NTM: variants seen among roughly 807,000 people sequenced by gnomAD.
NTM encodes the protein IgLON family member 2.
In NTM, 13 loss-of-function variants were observed where a neutral mutation model predicts 42.1. That is an observed-to-expected ratio of 0.31 (90% confidence interval 0.20 to 0.49). The LOEUF (loss-of-function observed/expected upper bound fraction) is 0.49, where lower values mean the gene tolerates loss of function less well. Ranked by LOEUF, NTM falls within the 20% of genes least tolerant of loss-of-function variation. The pLI is 0.99. For missense variants in NTM, 373 were observed against 452.8 expected (o/e 0.82, Z 1.60); for synonymous variants, 187 against 179.2 (o/e 1.04, Z -0.35).
intron 1 of NTM, among the ~76,000 whole-genome samples, chr11:131,598,162 C>G (rs1187310558): frequency 1.3e-5 from 2 of 151,070 alleles, no homozygotes; most frequent in African/African-American, 4.8e-5. Context: ...TATGGGGACA[C>G]AACTCACAGT....
chr11:131,970,802 A>G (rs1170613441), intron 2 of NTM, among the ~76,000 whole-genome samples: 1 of 152,120 alleles, frequency 6.6e-6, no homozygotes, highest in Admixed American at 6.5e-5. Context: ...TGACAAGGGG[A>G]TCATTGATCC....
At chr11:132,031,914 G>T (rs376670568) in intron 2 of NTM, among the ~76,000 whole-genome samples, 3 of 151,868 alleles carry the variant, frequency 2.0e-5, no homozygotes, top group East Asian at 3.9e-4. Flanking sequence ...ATGCTCAAAG[G>T]CCCTCCCACT....
chr11:132,273,019 G>A (rs988944554), intron 4 of NTM, among the ~76,000 whole-genome samples: 9 of 151,758 alleles, frequency 5.9e-5, no homozygotes, highest in Non-Finnish European at 1.3e-4. Flanking sequence ...TTTTGTTTTT[G>A]TTTTTTGTAG....
intron 2 of NTM, among the ~76,000 whole-genome samples, chr11:131,939,289 T>C (rs927933229): frequency 3.3e-5 from 5 of 152,016 alleles, no homozygotes; most frequent in Admixed American, 6.6e-5. Context: ...ATGGAGACAG[T>C]GACCGATTTT....
intron 1 of NTM, among the ~76,000 whole-genome samples, chr11:131,852,492 G>A (rs929014020): frequency 2.0e-5 from 3 of 152,176 alleles, no homozygotes. Flanking sequence ...TCCTTAAGGA[G>A]TAGAGTAAAT....
chr11:132,179,730 G>C (rs1187005353), intron 3 of NTM, among the ~76,000 whole-genome samples: 1 of 152,164 alleles, frequency 6.6e-6, no homozygotes, highest in Non-Finnish European at 1.5e-5. Flanking sequence ...AATTAGCCTT[G>C]ATGATGCAGG....
At chr11:131,488,643 C>T (rs1043578288) in intron 1 of NTM, among the ~76,000 whole-genome samples, 1 of 152,094 alleles carries the variant, frequency 6.6e-6, no homozygotes, top group African/African-American at 2.4e-5. Context: ...CTTTTTTTGG[C>T]CAGTCCACCA....
chr11:131,484,347 C>G (rs575673043), intron 1 of NTM, among the ~76,000 whole-genome samples: 1 of 152,174 alleles, frequency 6.6e-6, no homozygotes, highest in African/African-American at 2.4e-5. Context: ...GTAAAAGATA[C>G]AAGACTGGCA....
intron 1 of NTM, among the ~76,000 whole-genome samples, chr11:131,438,016 G>A (rs892050721): frequency 1.3e-5 from 2 of 152,172 alleles, no homozygotes; most frequent in African/African-American, 4.8e-5. Flanking sequence ...GTCTGTAAAG[G>A]ATTTTATTTC....
At chr11:131,897,319 G>A (rs1177075645) in intron 1 of NTM, among the ~76,000 whole-genome samples, 1 of 152,198 alleles carries the variant, frequency 6.6e-6, no homozygotes, top group Non-Finnish European at 1.5e-5. Context: ...GGTAGCATTG[G>A]AGACTGGCAA....
At chr11:131,855,389 A>G (rs2045989388) in intron 1 of NTM, among the ~76,000 whole-genome samples, 1 of 152,222 alleles carries the variant, frequency 6.6e-6, no homozygotes, top group South Asian at 2.1e-4. Context: ...GAAGCAATAG[A>G]GGACTGAAAA....
chr11:131,385,093 T>G (rs1943152618), intron 1 of NTM, among the ~76,000 whole-genome samples: 1 of 152,220 alleles, frequency 6.6e-6, no homozygotes, highest in African/African-American at 2.4e-5. Flanking sequence ...GTGGCATCCT[T>G]GCTCACCTCC....
At chr11:132,165,106 G>A (rs1222065659) in intron 3 of NTM, among the ~76,000 whole-genome samples, 1 of 152,088 alleles carries the variant, frequency 6.6e-6, no homozygotes, top group East Asian at 1.9e-4. Flanking sequence ...CCATGATAGT[G>A]ATATCTTTAT....
At chr11:132,147,299 A>G (rs2070748474) in intron 3 of NTM, among the ~76,000 whole-genome samples, 1 of 151,736 alleles carries the variant, frequency 6.6e-6, no homozygotes, top group Non-Finnish European at 1.5e-5. Context: ...TCTTCCCACA[A>G]GGCAGAACCA....
At chr11:131,387,801 C>G (rs1216805471) in intron 1 of NTM, among the ~76,000 whole-genome samples, 1 of 152,042 alleles carries the variant, frequency 6.6e-6, no homozygotes, top group Non-Finnish European at 1.5e-5. Context: ...GAAACCCACT[C>G]CCCCCTTAAA....
intron 4 of NTM, among the ~76,000 whole-genome samples, chr11:132,232,884 G>A (rs532482130): frequency 8.5e-5 from 13 of 152,306 alleles, no homozygotes; most frequent in South Asian, 4.2e-4. Context: ...CGTAAGCGGC[G>A]TTTATGACCG....
At position 132,250,299 on chromosome 11, in the gene NTM, TTAAGA is replaced by T. The variant is rs138459555; in HGVS notation, c.526+38154_526+38158del. ...CAACCTCCAACAACCCCTGTTGCTTTTAAGATTTTTTCTTTGGATTTGGCTTTTTG... is the reference window on the plus strand; with the variant it reads ...CAACCTCCAACAACCCCTGTTGCTTTTTTTTTCTTTGGATTTGGCTTTTTG... On this transcript the variant is annotated intron_variant, in intron 4 of 8. Coordinates refer to ENST00000683400, the MANE Select transcript of NTM (RefSeq NM_001352005.2). 5.7e-3 allele frequency among the ~76,000 whole-genome samples: 871 copies of T among 152,338 alleles called. 9 individuals carry two copies. Among genetic ancestry groups the T allele is most frequent in the African/African-American group, 0.02 (820 of 41,574 alleles).
rs150735300 is a variant in NTM, at chr11:132,123,731, A to G, written c.168-22551A>G. Among the ~76,000 whole-genome samples, 9 of 152,336 alleles carry G rather than the reference A, an allele frequency of 5.9e-5. No individual in the cohort carries two copies. In the East Asian group the frequency reaches 1.7e-3, roughly 29 times the overall value. ...GCAGAATGGACCGTGTGCTAAAGGCATCAACAGCCTGGGCAGGCAAACAGG... is the reference window on the plus strand; with the variant it reads ...GCAGAATGGACCGTGTGCTAAAGGCGTCAACAGCCTGGGCAGGCAAACAGG... On this transcript the variant is annotated intron_variant, in intron 2 of 8. Coordinates refer to ENST00000683400, the MANE Select transcript of NTM (RefSeq NM_001352005.2).
At chr11:131,926,904 C>T (rs376227131) in intron 2 of NTM, among the ~76,000 whole-genome samples, 108 of 152,268 alleles carry the variant, frequency 7.1e-4, no homozygotes, top group Non-Finnish European at 2.8e-4. Context: ...AAGTTATAAA[C>T]GTTTAAAATG....
Sources: allele counts gnomAD v4.1 joint callset (sites outside exome capture counted in the v4.1 genomes callset), GRCh38; gene constraint gnomAD v4.1.1; transcripts MANE v1.5; gene names NCBI Gene and HGNC (gene_info 2026-07-23, HGNC 2026-07-21).